The following FAM131A variants were observed in gnomAD, a reference collection of about 807,000 sequenced individuals.
FAM131A encodes the protein family with sequence similarity 131 member A.
FAM131A carries 24 observed loss-of-function variants against 39.2 expected under a neutral mutation model. The observed-to-expected ratio is 0.61, with a 90% CI of 0.44 to 0.86. The LOEUF is 0.86. FAM131A is among the 40% of genes least tolerant of loss of function. The pLI, the probability that FAM131A is intolerant of heterozygous loss-of-function variation, is 0.00. For missense variants in FAM131A, 373 were observed against 481.2 expected (o/e 0.78, Z 2.10); for synonymous variants, 202 against 206.8 (o/e 0.98, Z 0.20).
At chr3:184,343,354 ACTCAGCATC>A (rs985277487) in intron 5 of FAM131A, among the ~76,000 whole-genome samples, 7 of 152,192 alleles carry the variant, frequency 4.6e-5, no homozygotes, top group Non-Finnish European at 1.0e-4. Flanking sequence ...GCTGGCTCCA[ACTCAGCATC>A]CTTGCATTCC....
rs1470267301 is a variant in FAM131A at position 184,345,668 on chromosome 3, T to A, written c.*698T>A. The A allele has an allele frequency of 1.5e-6, 1 of 672,182 alleles. No individual in the cohort carries two copies. The highest frequency in any genetic ancestry group is 2.7e-5 in the East Asian group (1 of 37,098). The allele number at this position is 672,182 out of a possible 1,614,324, so 41.6% of individuals were successfully genotyped here. ...ACCCTCCACCCTTTTCCTGGCCCCC[T>A]AATGGGGCCTGGGCCCTTTCCCAAC... On this transcript the variant is annotated 3_prime_UTR_variant, in exon 6 of 6. Transcript: ENST00000383847.
chr3:184,335,977 ACCCCTCCCCTCTCACGGGCTCT>A (rs1233618168), upstream of FAM131A: 6 of 151,400 alleles, frequency 4.0e-5, no homozygotes, highest in Non-Finnish European at 8.8e-5. Context: ...CGCGGCTCCC[ACCCCTCCCCTCTCACGGGCTCT>A]CCCCTCCCCA....
chr3:184,345,704 A>G lies in FAM131A; in HGVS notation c.*734A>G. On this transcript the variant is annotated 3_prime_UTR_variant, in exon 6 of 6. Transcript: ENST00000383847. Reference sequence around the variant, plus strand: ...GGGCCCTTTCCCAACCCCTCCTAGGATGTGCGGGCAGTGTGCTGGCGCCTC... The same window carrying G: ...GGGCCCTTTCCCAACCCCTCCTAGGGTGTGCGGGCAGTGTGCTGGCGCCTC... 4.8e-6 allele frequency: 3 copies of G among 619,522 alleles called. No individual in the cohort carries two copies. Among genetic ancestry groups the G allele is most frequent in the Non-Finnish European group, 8.6e-6 (3 of 349,978 alleles). 38.4% of individuals were successfully genotyped at this position (619,522 alleles called of 1,614,324 possible).
At chr3:184,338,809 A>T in intron 2 of FAM131A, 1 of 388,276 alleles carries the variant, frequency 2.6e-6, no homozygotes, top group South Asian at 3.3e-5. Flanking sequence ...GGAGACATAC[A>T]CCTTTTCTCT....
chr3:184,342,832 T>C lies in FAM131A; in HGVS notation c.597T>C (p.Asp199=), dbSNP rs2108546664. 3 of 1,613,240 alleles carry C rather than the reference T, an allele frequency of 1.9e-6. No individual in the cohort carries two copies. The highest frequency in any genetic ancestry group is 2.5e-6 in the Non-Finnish European group (3 of 1,179,262). Residue 199 remains aspartate (D), a synonymous_variant, in exon 5 of 6, where the codon GAT becomes GAC. Transcript: ENST00000383847. The surrounding 1 kb of genome is among the most constrained non-coding windows in gnomAD (Gnocchi z 4.6). ...DGEDSTDDSY[D]EDFAGGMDTD... ...AGGACTCCACTGATGACTCCTATGA[T>C]GAGGACTTTGCTGGGGGAATGGACA...
chr3:184,337,766 A>C (rs1269485532), intron 1 of FAM131A, 48 bp downstream of exon 1: 2 of 1,511,626 alleles, frequency 1.3e-6, no homozygotes, highest in Non-Finnish European at 1.8e-6. Flanking sequence ...TGGGAAGCTG[A>C]GCAGTAGGGT....
intron 1 of FAM131A, 53 bp downstream of exon 1, chr3:184,337,771 T>C: frequency 1.3e-6 from 2 of 1,493,656 alleles, no homozygotes; most frequent in East Asian, 4.9e-5. Context: ...AGCTGAGCAG[T>C]AGGGTGCTTA....
At chr3:184,338,682 C>A (rs552629247) in intron 2 of FAM131A, 153 bp downstream of exon 2, 1 of 958,670 alleles carries the variant, frequency 1.0e-6, no homozygotes, top group African/African-American at 1.7e-5. Flanking sequence ...GCCCCCGTGC[C>A]GGTCTGCTCT....
intron 2 of FAM131A, 129 bp downstream of exon 2, chr3:184,338,658 C>T (rs1727228545): frequency 1.5e-6 from 2 of 1,309,530 alleles, no homozygotes; most frequent in Non-Finnish European, 1.0e-6. Context: ...TATCCGGCGG[C>T]GGGCCGGGAG....
At chr3:184,341,310 C>G in intron 2 of FAM131A, 1 of 225,948 alleles carries the variant, frequency 4.4e-6, no homozygotes, top group South Asian at 6.3e-5. Context: ...CCGAGTCTGC[C>G]GGAATGTGGA....
intron 2 of FAM131A, chr3:184,338,869 G>A: frequency 8.6e-6 from 2 of 232,150 alleles, no homozygotes; most frequent in South Asian, 6.5e-5. Flanking sequence ...GGCGGCGGCT[G>A]AGGGGAGCGA....
At chr3:184,341,264 G>A (rs1560242165) in intron 2 of FAM131A, 2 of 206,538 alleles carry the variant, frequency 9.7e-6, no homozygotes, top group Admixed American at 1.1e-4. Flanking sequence ...AGGGCCAGAC[G>A]TGGGGAGAAG....
rs761876228 is a variant in FAM131A at position 184,341,714 on chromosome 3, G to C, written c.232-10G>C. The C allele has an allele frequency of 6.2e-7, 1 of 1,603,612 alleles. No homozygotes were observed. Among genetic ancestry groups the C allele is most frequent in the Non-Finnish European group, 8.5e-7 (1 of 1,179,492 alleles). On this transcript the variant is annotated splice_polypyrimidine_tract_variant and intron_variant, in intron 2 of 5. Transcript: ENST00000383847. ...AGAGGGGCACTGACTTTCTAATGGT[G>C]TTACCCAAGGTGAATGTTGGAGACA...
chr3:184,340,189 T>C (rs1414138161), intron 2 of FAM131A: 4 of 150,798 alleles, frequency 2.7e-5, no homozygotes, highest in African/African-American at 9.8e-5. Context: ...GGAGATGGGG[T>C]TTCACCATGT....
chr3:184,345,023 A>G lies in FAM131A; in HGVS notation c.*53A>G, dbSNP rs1727574951. 6.9e-7 allele frequency: 1 copy of G among 1,443,012 alleles called. No individual in the cohort carries two copies. Among genetic ancestry groups the G allele is most frequent in the Non-Finnish European group, 9.2e-7 (1 of 1,091,114 alleles). 89.4% of individuals were successfully genotyped at this position (1,443,012 alleles called of 1,614,324 possible). On this transcript the variant is annotated 3_prime_UTR_variant, in exon 6 of 6. Transcript: ENST00000383847. ...ATCCCCCGGCTGCTGCCAGGGGCAGAGCCTCTGTGCCCAAGTGTGGGCTCA... is the reference window on the plus strand; with the variant it reads ...ATCCCCCGGCTGCTGCCAGGGGCAGGGCCTCTGTGCCCAAGTGTGGGCTCA...
chr3:184,339,969 C>T (rs1214559389), intron 2 of FAM131A: 1 of 152,274 alleles, frequency 6.6e-6, no homozygotes, highest in East Asian at 1.9e-4. Context: ...TTATATCTTA[C>T]CTCATTCATC....
chr3:184,335,973 T>TCCCACCC (rs1342947037), upstream of FAM131A: 1 of 152,160 alleles, frequency 6.6e-6, no homozygotes, highest in Non-Finnish European at 1.5e-5. Context: ...GACGCGCGGC[T>TCCCACCC]CCCACCCCTC....
rs1197891943 is a variant in FAM131A, at chr3:184,344,424, G to A, written c.626-71G>A. On this transcript the variant is annotated intron_variant, in intron 5 of 5. Transcript: ENST00000383847. ...AGCTATGCCAGGGGTGGAGTGGGGT[G>A]AATGTGGCTTCCAGGTTGTCCAGTT... The A allele has an allele frequency of 2.8e-6, 4 of 1,413,230 alleles. No individual in the cohort carries two copies. The African/African-American group carries it at 4.3e-5, about 15-fold the overall frequency. 87.5% of individuals were successfully genotyped at this position (1,413,230 alleles called of 1,614,324 possible). A position where few individuals can be genotyped will look rare whatever the true frequency, so the allele number is the denominator to read the frequency against.
chr3:184,344,055 G>C (rs1304515987), intron 5 of FAM131A, among the ~76,000 whole-genome samples: 1 of 151,976 alleles, frequency 6.6e-6, no homozygotes, highest in East Asian at 1.9e-4. Flanking sequence ...GCACGATCTC[G>C]GCTCACTGCA....
Sources: allele counts gnomAD v4.1 joint callset (sites outside exome capture counted in the v4.1 genomes callset), GRCh38; gene constraint gnomAD v4.1.1; non-coding constraint Gnocchi (gnomAD v3.1); transcripts MANE v1.5; gene names NCBI Gene and HGNC (gene_info 2026-07-23, HGNC 2026-07-21).